AKT3: variants seen among roughly 807,000 people sequenced by gnomAD.
The protein encoded by AKT3 is RAC-gamma serine/threonine-protein kinase.
AKT3 carries 15 observed loss-of-function variants against 65.3 expected under a neutral mutation model. The ratio of observed to expected loss-of-function variants is 0.23; its 90% CI spans 0.15 to 0.35. The LOEUF (loss-of-function observed/expected upper bound fraction) is 0.35. AKT3 is among the 10% of genes least tolerant of loss of function. AKT3 has a pLI of 1.00. For missense variants in AKT3, 243 were observed against 576.5 expected, an observed-to-expected ratio of 0.42 and a Z score of 5.92; for synonymous variants, 206 against 183.8, an observed-to-expected ratio of 1.12 and a Z score of -0.98.
intron 4 of AKT3, among the ~76,000 whole-genome samples, chr1:243,654,011 C>A (rs992462343): frequency 6.6e-6 from 1 of 151,772 alleles, no homozygotes; most frequent in African/African-American, 2.4e-5. Context: ...GCTTTTCAGT[C>A]GTCTTTTTTT....
chr1:243,573,177 C>A (rs1344170313), intron 8 of AKT3, 129 bp from the exon 9 acceptor site: 10 of 989,186 alleles, frequency 1.0e-5, no homozygotes, highest in Non-Finnish European at 1.1e-5. Context: ...GGACACTGAG[C>A]ACTCTTAGAC....
chr1:243,751,753 C>T (rs1258940306), intron 2 of AKT3, among the ~76,000 whole-genome samples: 1 of 151,960 alleles, frequency 6.6e-6, no homozygotes, highest in Non-Finnish European at 1.5e-5. Flanking sequence ...CAGGACCCAG[C>T]CCACAGGGGA....
intron 8 of AKT3, among the ~76,000 whole-genome samples, chr1:243,592,313 C>G (rs1427743450): frequency 6.6e-6 from 1 of 150,484 alleles, no homozygotes; most frequent in Admixed American, 6.6e-5. Context: ...CCAGCCTGGG[C>G]GACAGAGCGA....
chr1:243,698,758 C>T (rs1572190541), intron 2 of AKT3, among the ~76,000 whole-genome samples: 1 of 152,118 alleles, frequency 6.6e-6, no homozygotes, highest in East Asian at 1.9e-4. Context: ...GGTTAATCAA[C>T]AATTATACTG....
intron 12 of AKT3, among the ~76,000 whole-genome samples, chr1:243,543,310 T>C (rs1195986254): frequency 6.6e-6 from 1 of 152,156 alleles, no homozygotes; most frequent in Non-Finnish European, 1.5e-5. Flanking sequence ...TCAACATGAA[T>C]AGCTGAACAC....
intron 12 of AKT3, among the ~76,000 whole-genome samples, chr1:243,520,314 C>T (rs958759642): frequency 1.3e-5 from 2 of 152,176 alleles, no homozygotes; most frequent in African/African-American, 4.8e-5. Context: ...GGACAGACAC[C>T]TCAGAAGAAA....
chr1:243,750,225 C>T (rs1235006908), intron 2 of AKT3, among the ~76,000 whole-genome samples: 2 of 152,054 alleles, frequency 1.3e-5, no homozygotes, highest in Admixed American at 6.6e-5. Flanking sequence ...GTTAAATTTG[C>T]CCCAATTATT....
At chr1:243,492,396 G>A (rs1200193117) in intron 13 of AKT3, among the ~76,000 whole-genome samples, 1 of 131,828 alleles carries the variant, frequency 7.6e-6, no homozygotes, top group African/African-American at 2.8e-5. Flanking sequence ...CCGCCTCCCG[G>A]CTTCAAGTGA....
intron 8 of AKT3, chr1:243,613,074 T>TAC (rs1677999663): frequency 8.4e-6 from 1 of 118,910 alleles, no homozygotes; most frequent in African/African-American, 2.8e-5. Flanking sequence ...TATATATATA[T>TAC]ATACACACAC....
chr1:243,784,880 C>T (rs1253372809), intron 2 of AKT3, among the ~76,000 whole-genome samples: 1 of 152,166 alleles, frequency 6.6e-6, no homozygotes, highest in African/African-American at 2.4e-5. Context: ...CCTACCTCAG[C>T]CTCCCGAGTA....
intron 8 of AKT3, among the ~76,000 whole-genome samples, chr1:243,606,007 C>G (rs1277983117): frequency 6.6e-6 from 1 of 152,058 alleles, no homozygotes; most frequent in Non-Finnish European, 1.5e-5. Context: ...CTCTCCTGCT[C>G]CTATGTGAAG....
intron 2 of AKT3, among the ~76,000 whole-genome samples, chr1:243,811,271 A>C (rs1292577192): frequency 6.6e-6 from 1 of 152,216 alleles, no homozygotes; most frequent in Non-Finnish European, 1.5e-5. Context: ...ATATCTAGAA[A>C]ACCCCATGGT....
Position 243,774,596 on chromosome 1 carries a change from AAAG to A in AKT3, c.46+68526_46+68528del, listed in dbSNP as rs1284940897. Among the ~76,000 whole-genome samples the A allele has an allele frequency of 3.9e-5, 6 of 152,318 alleles. No homozygotes were observed. In the East Asian group the frequency reaches 1.2e-3, roughly 29 times the overall value. Reference sequence around the variant, plus strand: ...AGTTGAAATTTTTGTTGTTTAAAAAAAAGAAAAGCCCCAAACCACAATTTAAGG... The same window carrying A: ...AGTTGAAATTTTTGTTGTTTAAAAAAAAAAGCCCCAAACCACAATTTAAGG... On this transcript the variant is annotated intron_variant, in intron 2 of 13. Coordinates refer to ENST00000673466, the MANE Select transcript of AKT3 (RefSeq NM_005465.7).
chr1:243,582,836 C>G (rs1457788253), intron 8 of AKT3, among the ~76,000 whole-genome samples: 3 of 151,832 alleles, frequency 2.0e-5, no homozygotes, highest in Non-Finnish European at 4.4e-5. Flanking sequence ...AAAAACAAGA[C>G]TCATCCATCT....
intron 4 of AKT3, 120 bp from the exon 5 acceptor site, chr1:243,646,157 A>C (rs1680790311): frequency 2.5e-6 from 2 of 806,616 alleles, no homozygotes; most frequent in South Asian, 4.2e-5. Flanking sequence ...CACACTCAAC[A>C]CAGATAAGCA....
chr1:243,679,866 G>A (rs1474682015), intron 3 of AKT3, among the ~76,000 whole-genome samples: 3 of 152,126 alleles, frequency 2.0e-5, no homozygotes, highest in Admixed American at 1.3e-4. Flanking sequence ...AACAATTTAT[G>A]AGGCAAACAG....
At chr1:243,585,839 A>G (rs1414203659) in intron 8 of AKT3, among the ~76,000 whole-genome samples, 2 of 152,174 alleles carry the variant, frequency 1.3e-5, no homozygotes, top group Non-Finnish European at 2.9e-5. Flanking sequence ...GGAAAAAATT[A>G]TATGACTAAG....
At chr1:243,682,581 C>A (rs1179799428) in intron 3 of AKT3, among the ~76,000 whole-genome samples, 1 of 152,160 alleles carries the variant, frequency 6.6e-6, no homozygotes, top group Non-Finnish European at 1.5e-5. Flanking sequence ...ATGATTAGGG[C>A]ATTCTGCTAA....
At chr1:243,805,595 GAT>G (rs1692674291) in intron 2 of AKT3, among the ~76,000 whole-genome samples, 1 of 152,074 alleles carries the variant, frequency 6.6e-6, no homozygotes, top group Admixed American at 6.6e-5. Flanking sequence ...CTGAATTCAT[GAT>G]ATTTCTTTTA....
Sources: gnomAD v4.1 joint callset for allele counts (sites outside exome capture counted in the v4.1 genomes callset) on GRCh38, gnomAD v4.1.1 for gene constraint, MANE v1.5 for transcripts, NCBI Gene and HGNC (gene_info 2026-07-23, HGNC 2026-07-21) for gene names.